Variants in MYO1D observed in about 807,000 individuals in gnomAD.
The protein encoded by MYO1D is myosin ID.
MYO1D carries 83 observed loss-of-function variants against 122.0 expected under a neutral mutation model. The ratio of observed to expected loss-of-function variants is 0.68; its 90% CI spans 0.57 to 0.82. MYO1D has a LOEUF of 0.82. Among genes scored for constraint, MYO1D ranks in the 40% least tolerant of loss-of-function variants. The pLI is 0.00. For synonymous variants in MYO1D, 464 were observed against 446.9 expected (o/e 1.04, Z -0.48); for missense variants, 1,157 against 1,269.5 (o/e 0.91, Z 1.35).
intron 16 of MYO1D, among the ~76,000 whole-genome samples, chr17:32,660,759 T>C (rs2150954491): frequency 6.6e-6 from 1 of 152,322 alleles, no homozygotes; most frequent in South Asian, 2.1e-4. Flanking sequence ...CAGCCCTTTT[T>C]AGTCAAAATG....
intron 13 of MYO1D, 73 bp downstream of exon 13, chr17:32,745,138 A>G: frequency 1.2e-6 from 1 of 836,918 alleles, no homozygotes. Context: ...TTGCATATAA[A>G]TATAACCATG....
intron 21 of MYO1D, among the ~76,000 whole-genome samples, chr17:32,501,257 T>C (rs576073248): frequency 1.2e-4 from 18 of 152,296 alleles, no homozygotes; most frequent in African/African-American, 4.1e-4. Flanking sequence ...AGCTCGTATC[T>C]CCCATAACCA....
chr17:32,632,568 T>C (rs1462662897), intron 20 of MYO1D: 1 of 46,896 alleles, frequency 2.1e-5, no homozygotes, highest in East Asian at 6.2e-4. Context: ...AAGTACTATA[T>C]ATATATATAT....
At chr17:32,832,802 T>C (rs2090785164) in intron 1 of MYO1D, among the ~76,000 whole-genome samples, 1 of 152,246 alleles carries the variant, frequency 6.6e-6, no homozygotes, top group African/African-American at 2.4e-5. Flanking sequence ...AAGTTATATA[T>C]GATTTAAGAA....
intron 20 of MYO1D, among the ~76,000 whole-genome samples, chr17:32,623,602 T>C (rs1194945203): frequency 6.6e-6 from 1 of 152,214 alleles, no homozygotes; most frequent in African/African-American, 2.4e-5. Flanking sequence ...GTCAATGACT[T>C]AAAGAAAATT....
At chr17:32,532,099 T>G (rs1333550851) in intron 21 of MYO1D, among the ~76,000 whole-genome samples, 1 of 152,198 alleles carries the variant, frequency 6.6e-6, no homozygotes, top group Non-Finnish European at 1.5e-5. Flanking sequence ...CATCCCTGGC[T>G]CCAATGTGGC....
chr17:32,508,910 T>A (rs931335634), intron 21 of MYO1D, among the ~76,000 whole-genome samples: 22 of 152,204 alleles, frequency 1.4e-4, no homozygotes, highest in African/African-American at 5.3e-4. Flanking sequence ...CACTTTCATG[T>A]CCCTATCAAC....
At position 32,653,847 on chromosome 17, in the gene MYO1D, C is replaced by A; in HGVS notation, c.2591G>T (p.Arg864Leu). The change falls in exon 19 of 22, where the codon CGT (arginine) becomes CTT (leucine). Residue 864 changes from arginine (R) to leucine (L), a missense_variant. Arg to Leu is a moderately radical substitution (Grantham distance 102, BLOSUM62 -2). Coordinates refer to ENST00000318217, the MANE Select transcript of MYO1D (RefSeq NM_015194.3). Reference sequence around the variant, plus strand: ...TCTGGTTTAAGCTTGCCTTACCTTACGGACGTGACAGGAAAAGAGGACATT... The same window carrying A: ...TCTGGTTTAAGCTTGCCTTACCTTAAGGACGTGACAGGAAAAGAGGACATT... ...YMNVLFSCHV[R>L]KVNRFSKVED... 1 of 1,612,590 alleles carries A rather than the reference C, an allele frequency of 6.2e-7. No individual in the cohort carries two copies.
chr17:32,640,274 A>G (rs2088176910), intron 19 of MYO1D, among the ~76,000 whole-genome samples: 1 of 152,180 alleles, frequency 6.6e-6, no homozygotes. Context: ...CTTGTCAGAA[A>G]ACTTGAAACA....
intron 16 of MYO1D, among the ~76,000 whole-genome samples, chr17:32,688,447 C>T (rs1203272191): frequency 6.6e-6 from 1 of 152,196 alleles, no homozygotes; most frequent in Non-Finnish European, 1.5e-5. Flanking sequence ...CTGTCTCATA[C>T]AGCCACATAC....
At chr17:32,580,283 A>G (rs1243762662) in intron 21 of MYO1D, among the ~76,000 whole-genome samples, 1 of 106,164 alleles carries the variant, frequency 9.4e-6, no homozygotes, top group Non-Finnish European at 1.8e-5. Flanking sequence ...TTAGTCTGCT[A>G]AGAGGATTTT....
intron 20 of MYO1D, among the ~76,000 whole-genome samples, chr17:32,617,737 G>A (rs916616880): frequency 2.0e-5 from 3 of 152,132 alleles, no homozygotes; most frequent in South Asian, 2.1e-4. Context: ...CACTGCTCGC[G>A]GCCCACCTAT....
At chr17:32,806,560 A>G (rs945727229) in intron 1 of MYO1D, among the ~76,000 whole-genome samples, 2 of 152,130 alleles carry the variant, frequency 1.3e-5, no homozygotes, top group Non-Finnish European at 2.9e-5. Flanking sequence ...AATTTTCACT[A>G]GAGACAAGGT....
At chr17:32,677,441 T>C (rs1430905799) in intron 16 of MYO1D, among the ~76,000 whole-genome samples, 1 of 151,992 alleles carries the variant, frequency 6.6e-6, no homozygotes, top group Non-Finnish European at 1.5e-5. Flanking sequence ...GGAGAAATGT[T>C]CCATGTGAGT....
intron 1 of MYO1D, among the ~76,000 whole-genome samples, chr17:32,814,375 T>C (rs950011293): frequency 2.0e-5 from 3 of 152,188 alleles, no homozygotes; most frequent in Non-Finnish European, 2.9e-5. Context: ...AAAACACTTC[T>C]GTGTTAACAT....
chr17:32,623,084 C>T (rs1597944169), intron 20 of MYO1D, among the ~76,000 whole-genome samples: 1 of 128,680 alleles, frequency 7.8e-6, no homozygotes, highest in South Asian at 2.7e-4. Context: ...AGAGGTGGCT[C>T]CCAAGAAGCA....
At chr17:32,791,680 C>A (rs940761199) in intron 1 of MYO1D, among the ~76,000 whole-genome samples, 2 of 152,036 alleles carry the variant, frequency 1.3e-5, no homozygotes, top group East Asian at 3.9e-4. Context: ...AAGGGGGTTT[C>A]TTGTAGTATC....
intron 16 of MYO1D, among the ~76,000 whole-genome samples, chr17:32,699,324 ATAAT>A (rs759902487): frequency 1.5e-4 from 23 of 152,368 alleles, no homozygotes; most frequent in African/African-American, 4.8e-4. Flanking sequence ...ACTGAAAATC[ATAAT>A]TAATATTACA....
At chr17:32,773,444 A>C (rs949560152) in intron 4 of MYO1D, among the ~76,000 whole-genome samples, 2 of 152,138 alleles carry the variant, frequency 1.3e-5, no homozygotes, top group African/African-American at 4.8e-5. Flanking sequence ...GTGTCTGATC[A>C]CTGTGGGGAC....
Sources: allele counts gnomAD v4.1 joint callset (sites outside exome capture counted in the v4.1 genomes callset), GRCh38; gene constraint gnomAD v4.1.1; transcripts MANE v1.5; gene names NCBI Gene and HGNC (gene_info 2026-07-23, HGNC 2026-07-21).